The following SYNE2 variants were observed in gnomAD, a reference collection of about 807,000 sequenced individuals.
The protein encoded by SYNE2 is nesprin-2.
SYNE2 carries 431 observed loss-of-function variants against 856.3 expected under a neutral mutation model. The observed-to-expected ratio is 0.50, with a 90% CI of 0.47 to 0.55. The LOEUF (loss-of-function observed/expected upper bound fraction) is 0.55, where lower values mean the gene tolerates loss of function less well. Ranked by LOEUF, SYNE2 falls within the 20% of genes least tolerant of loss-of-function variation. The probability of loss-of-function intolerance (pLI) is 0.00; values close to 1 mark genes in which losing one functional copy is unlikely to be tolerated. For missense variants in SYNE2, 8,129 were observed against 8,023.2 expected (o/e 1.01, Z -0.50); for synonymous variants, 2,923 against 2,872.3 (o/e 1.02, Z -0.56).
intron 30 of SYNE2, 63 bp from the exon 31 acceptor site, chr14:64,006,980 A>C (rs1237466167): frequency 7.5e-7 from 1 of 1,335,360 alleles, no homozygotes. Context: ...CAAGTTACCC[A>C]TATTTGTGTT....
chr14:64,032,927 T>A (rs1295380682), intron 45 of SYNE2, among the ~76,000 whole-genome samples: 1 of 152,186 alleles, frequency 6.6e-6, no homozygotes. Context: ...CGGCACTTTG[T>A]GGGGCTGAAG....
At chr14:63,915,820 AATTT>A (rs1267297771) in intron 2 of SYNE2, among the ~76,000 whole-genome samples, 1 of 152,120 alleles carries the variant, frequency 6.6e-6, no homozygotes, top group African/African-American at 2.4e-5. Context: ...ACTCCATTTA[AATTT>A]ATTTATTATA....
At chr14:63,945,661 C>T (rs1422813763) in intron 6 of SYNE2, among the ~76,000 whole-genome samples, 3 of 151,980 alleles carry the variant, frequency 2.0e-5, no homozygotes, top group Non-Finnish European at 2.9e-5. Context: ...CTCGCTCTGT[C>T]GCCCAGGCTG....
At chr14:64,130,378 C>T in intron 76 of SYNE2, 130 bp downstream of exon 76, 1 of 871,904 alleles carries the variant, frequency 1.1e-6, no homozygotes, top group Non-Finnish European at 1.8e-6. Context: ...TAATAAACAT[C>T]TATTAGAATG....
Position 64,122,072 on chromosome 14 carries a change from A to C in SYNE2, c.13219A>C (p.Lys4407Gln), listed in dbSNP as rs1263272290. Residue 4407 changes from lysine (K) to glutamine (Q), a missense_variant, in exon 69 of 116, where the codon AAG becomes CAG. Around this residue, in one of 3 missense-constraint regions of SYNE2, gnomAD observed 5,410 missense variants for 5,284.8 expected, o/e 1.02. Transcript: ENST00000555002. Reference protein sequence around the residue: ...DFIKFIEFNAKKMWPQYCQHD... With the variant: ...DFIKFIEFNAQKMWPQYCQHD... ...CATCAAATTCATAGAATTTAATGCT[A>C]AGAAAATGTGGCCCCAGTATTGCCA... The C allele has an allele frequency of 6.2e-7, 1 of 1,614,090 alleles. No homozygotes were observed. The highest frequency in any genetic ancestry group is 1.7e-5 in the Admixed American group (1 of 60,024).
intron 47 of SYNE2, among the ~76,000 whole-genome samples, chr14:64,050,278 C>T (rs1225300455): frequency 6.6e-6 from 1 of 152,180 alleles, no homozygotes; most frequent in Non-Finnish European, 1.5e-5. Flanking sequence ...GCTCCACCCT[C>T]ATGACCTAAT....
intron 1 of SYNE2, among the ~76,000 whole-genome samples, chr14:63,901,295 A>T (rs1219760385): frequency 6.6e-6 from 1 of 152,226 alleles, no homozygotes; most frequent in Admixed American, 6.5e-5. Flanking sequence ...GAAGACATAG[A>T]TGTACAGGTT....
At chr14:64,107,409 T>C in intron 64 of SYNE2, 82 bp from the exon 65 acceptor site, 1 of 1,270,542 alleles carries the variant, frequency 7.9e-7, no homozygotes, top group Non-Finnish European at 1.2e-6. Context: ...AGGTAGTTTG[T>C]AAAATGAGCA....
chr14:63,996,972 T>G lies in SYNE2; in HGVS notation c.2966T>G (p.Leu989Arg). The G allele has an allele frequency of 6.2e-7, 1 of 1,614,170 alleles. No individual in the cohort carries two copies. The highest frequency in any genetic ancestry group is 1.1e-5 in the South Asian group (1 of 91,070). Residue 989 changes from leucine to arginine, a missense_variant, in exon 24 of 116, where the codon CTG becomes CGG. Leu to Arg is a moderately radical substitution (Grantham distance 102). This residue lies in a region of SYNE2 where 2,422 missense variants were observed against 2,357.4 expected (regional missense o/e 1.03). Transcript: ENST00000555002. ...HEACFSEEGC[L>R]YQLNHHMEVL... ...GCCTGCTTTTCTGAGGAAGGCTGCC[T>G]GTACCAGCTTAATCACCACATGGAA...
At chr14:64,120,338 T>C (rs899364473) in intron 67 of SYNE2, among the ~76,000 whole-genome samples, 2 of 152,250 alleles carry the variant, frequency 1.3e-5, no homozygotes, top group Non-Finnish European at 2.9e-5. Flanking sequence ...TTTTATTTGG[T>C]ATTTGTTTTT....
intron 66 of SYNE2, among the ~76,000 whole-genome samples, chr14:64,115,227 G>C (rs1224414537): frequency 2.0e-5 from 3 of 152,188 alleles, no homozygotes; most frequent in Admixed American, 2.0e-4. Flanking sequence ...TCAAGGAAAA[G>C]ACATGACTAC....
In SYNE2 at chr14:64,152,711, A is replaced by C. The variant is rs374995948; in HGVS notation, c.15787A>C (p.Thr5263Pro). ...ATTTCAAAAGAGAAGCAGTGTTCTC[A>C]CTCAGGTACTAGAATTCATTTGAAA... ...ELFQKRSSVL[T>P]QVNQLKTSMQ... The change falls in exon 85 of 116, where the codon ACT becomes CCT. Residue 5263 changes from threonine (T) to proline (P), a missense_variant. Physicochemically the swap from Thr to Pro is conservative, Grantham distance 38. Coordinates refer to ENST00000555002, the MANE Select transcript of SYNE2 (RefSeq NM_182914.3). The C allele has an allele frequency of 6.2e-7, 1 of 1,614,086 alleles. No homozygotes were observed. The highest frequency in any genetic ancestry group is 1.1e-5 in the South Asian group (1 of 91,084).
At chr14:63,938,260 A>G (rs952523025) in intron 2 of SYNE2, among the ~76,000 whole-genome samples, 1 of 152,080 alleles carries the variant, frequency 6.6e-6, no homozygotes, top group African/African-American at 2.4e-5. Flanking sequence ...GTTTGAGACC[A>G]GCCTGGGTAA....
chr14:64,160,961 G>GA (rs917481977), intron 87 of SYNE2, among the ~76,000 whole-genome samples: 5 of 150,272 alleles, frequency 3.3e-5, no homozygotes, highest in East Asian at 1.9e-4. Flanking sequence ...AGGAAACAAA[G>GA]AAAAAAAAAC....
chr14:64,038,938 A>G (rs2097126194), intron 45 of SYNE2, among the ~76,000 whole-genome samples: 1 of 152,124 alleles, frequency 6.6e-6, no homozygotes, highest in Non-Finnish European at 1.5e-5. Context: ...TCAGAAGCTG[A>G]CTGGGGCACG....
chr14:64,045,775 A>G (rs2097181892), intron 45 of SYNE2, among the ~76,000 whole-genome samples: 1 of 152,222 alleles, frequency 6.6e-6, no homozygotes, highest in South Asian at 2.1e-4. Context: ...GGACAGTTGA[A>G]TTCTCTTTCC....
intron 78 of SYNE2, 130 bp downstream of exon 78, chr14:64,134,330 GA>G: frequency 2.0e-6 from 2 of 994,502 alleles, no homozygotes; most frequent in Admixed American, 3.4e-5. Flanking sequence ...ACTCACTGTT[GA>G]ATGTATTCAG....
At chr14:64,193,548 C>CA (rs902187688) in intron 99 of SYNE2, among the ~76,000 whole-genome samples, 5,557 of 140,136 alleles carry the variant, frequency 0.04, 280 homozygotes, top group African/African-American at 0.13. Flanking sequence ...AACTCCGTCT[C>CA]AAAAAAAAAA....
intron 17 of SYNE2, 98 bp downstream of exon 17, chr14:63,982,892 T>C: frequency 4.8e-6 from 6 of 1,255,432 alleles, no homozygotes; most frequent in Non-Finnish European, 5.7e-6. Flanking sequence ...TTCTGGTATA[T>C]GCACAGTTAC....
Sources: allele counts gnomAD v4.1 joint callset (sites outside exome capture counted in the v4.1 genomes callset), GRCh38; gene constraint gnomAD v4.1.1; regional missense constraint gnomAD v4.1.1; transcripts MANE v1.5; gene names NCBI Gene and HGNC (gene_info 2026-07-23, HGNC 2026-07-21).